Variants in ELAPOR2 observed in about 807,000 individuals in gnomAD.
ELAPOR2 encodes the protein endosome/lysosome-associated apoptosis and autophagy regulator family member 2.
Under a neutral mutation model 120.7 loss-of-function variants are expected in ELAPOR2, and 89 were observed. The observed-to-expected ratio is 0.74, with a 90% CI of 0.62 to 0.88. The LOEUF (loss-of-function observed/expected upper bound fraction) is 0.88, where lower values mean the gene tolerates loss of function less well. Among genes scored for constraint, ELAPOR2 ranks in the 40% least tolerant of loss-of-function variants. The pLI, the probability that ELAPOR2 is intolerant of heterozygous loss-of-function variation, is 0.00. For missense variants in ELAPOR2, 1,134 were observed against 1,251.6 expected (o/e 0.91, Z 1.42); for synonymous variants, 444 against 444.9 (o/e 1.00, Z 0.03).
At chr7:86,898,378 T>C (rs545136505) in intron 18 of ELAPOR2, among the ~76,000 whole-genome samples, 1 of 152,016 alleles carries the variant, frequency 6.6e-6, no homozygotes, top group African/African-American at 2.4e-5. Context: ...AGCTAAAGGA[T>C]ATGAGGTTTC....
chr7:86,999,321 T>C (rs545369316), intron 1 of ELAPOR2, among the ~76,000 whole-genome samples: 30 of 152,286 alleles, frequency 2.0e-4, no homozygotes, highest in African/African-American at 7.0e-4. Flanking sequence ...CTATTATGTA[T>C]TTTGCTTTGC....
chr7:86,926,764 A>G lies in ELAPOR2; in HGVS notation c.1242T>C (p.Pro414=). 3 of 1,610,484 alleles carry G rather than the reference A, an allele frequency of 1.9e-6. No homozygotes were observed. Among genetic ancestry groups the G allele is most frequent in the African/African-American group, 1.3e-5 (1 of 74,742 alleles). ...NNGSSSCHPC[P]PGTFSDGTKE... ...TGGTTCCATCTGAAAATGTTCCAGG[A>G]GGACAGGGATGGCAAGAAGATGATC... Residue 414 remains proline, a synonymous_variant, in exon 9 of 22, where the codon CCT becomes CCC. Transcript: ENST00000450689.
intron 16 of ELAPOR2, 23 bp downstream of exon 16, chr7:86,909,789 T>C (rs1481059655): frequency 7.6e-6 from 12 of 1,571,906 alleles, no homozygotes; most frequent in Middle Eastern, 1.7e-4. Flanking sequence ...TATGCATGCA[T>C]ATATGAACCA....
intron 1 of ELAPOR2, among the ~76,000 whole-genome samples, chr7:86,975,121 C>T (rs769327379): frequency 2.0e-5 from 3 of 152,188 alleles, no homozygotes; most frequent in East Asian, 1.9e-4. Flanking sequence ...CAGCACAGTT[C>T]GCTGACTTCA....
At chr7:87,009,355 G>A (rs1245638974) in intron 1 of ELAPOR2, among the ~76,000 whole-genome samples, 1 of 152,152 alleles carries the variant, frequency 6.6e-6, no homozygotes, top group Non-Finnish European at 1.5e-5. Context: ...AACCACAAAG[G>A]TGTTTTACAC....
intron 1 of ELAPOR2, among the ~76,000 whole-genome samples, chr7:86,979,181 T>C (rs1232206547): frequency 6.6e-6 from 1 of 152,142 alleles, no homozygotes; most frequent in African/African-American, 2.4e-5. Flanking sequence ...AGTTAATGTA[T>C]ACAAAAGATT....
chr7:87,022,153 T>A (rs992337838), intron 1 of ELAPOR2, among the ~76,000 whole-genome samples: 3 of 152,068 alleles, frequency 2.0e-5, no homozygotes, highest in African/African-American at 4.8e-5. Flanking sequence ...TATGTATACA[T>A]GTGCCATGTT....
intron 10 of ELAPOR2, among the ~76,000 whole-genome samples, chr7:86,923,480 T>A (rs1469597254): frequency 1.3e-5 from 2 of 152,042 alleles, no homozygotes; most frequent in African/African-American, 4.8e-5. Context: ...GTTACATAGC[T>A]ATATCATAAT....
chr7:86,989,032 A>G (rs1485471020), intron 1 of ELAPOR2, among the ~76,000 whole-genome samples: 1 of 152,260 alleles, frequency 6.6e-6, no homozygotes, highest in Non-Finnish European at 1.5e-5. Flanking sequence ...TTATAAAACC[A>G]TAAGTAACTA....
chr7:86,997,818 T>A (rs1465400071), intron 1 of ELAPOR2, among the ~76,000 whole-genome samples: 1 of 152,198 alleles, frequency 6.6e-6, no homozygotes, highest in Non-Finnish European at 1.5e-5. Flanking sequence ...TTCTAGTCAG[T>A]TGTATCACAA....
At chr7:86,984,838 A>T (rs1792654591) in intron 1 of ELAPOR2, among the ~76,000 whole-genome samples, 1 of 152,226 alleles carries the variant, frequency 6.6e-6, no homozygotes, top group Non-Finnish European at 1.5e-5. Flanking sequence ...CTAAGATCAG[A>T]GCATAACTGA....
chr7:87,013,851 C>T (rs1191217106), intron 1 of ELAPOR2, among the ~76,000 whole-genome samples: 1 of 152,076 alleles, frequency 6.6e-6, no homozygotes, highest in Non-Finnish European at 1.5e-5. Context: ...ACCACAAAAT[C>T]AATACTCAGT....
intron 1 of ELAPOR2, among the ~76,000 whole-genome samples, chr7:87,046,469 A>G (rs1477606592): frequency 1.3e-5 from 2 of 152,204 alleles, no homozygotes; most frequent in Admixed American, 6.5e-5. Flanking sequence ...ATGAAACCAC[A>G]AAAGACCCCG....
At chr7:87,033,115 T>C (rs965621167) in intron 1 of ELAPOR2, among the ~76,000 whole-genome samples, 1 of 152,150 alleles carries the variant, frequency 6.6e-6, no homozygotes, top group African/African-American at 2.4e-5. Flanking sequence ...ATCAGTTCTG[T>C]GTAGGCAGAG....
chr7:87,043,165 C>A (rs1345003494), intron 1 of ELAPOR2, among the ~76,000 whole-genome samples: 1 of 151,444 alleles, frequency 6.6e-6, no homozygotes, highest in African/African-American at 2.4e-5. Flanking sequence ...GATTCACAGC[C>A]GAATTCTACC....
At chr7:86,974,294 A>C (rs2116521671) in intron 1 of ELAPOR2, among the ~76,000 whole-genome samples, 1 of 152,202 alleles carries the variant, frequency 6.6e-6, no homozygotes, top group Non-Finnish European at 1.5e-5. Flanking sequence ...ACTACATCAA[A>C]ATTTCCAAAT....
At chr7:86,984,586 G>C (rs573002194) in intron 1 of ELAPOR2, among the ~76,000 whole-genome samples, 32 of 152,244 alleles carry the variant, frequency 2.1e-4, no homozygotes, top group Non-Finnish European at 3.5e-4. Flanking sequence ...TGAATGACTA[G>C]TGGGTAAATA....
chr7:87,002,115 A>G (rs1793336579), intron 1 of ELAPOR2, among the ~76,000 whole-genome samples: 1 of 152,152 alleles, frequency 6.6e-6, no homozygotes, highest in Non-Finnish European at 1.5e-5. Flanking sequence ...TGGGCAGCAA[A>G]CTTTAACTTG....
At chr7:87,022,211 T>C (rs933131382) in intron 1 of ELAPOR2, among the ~76,000 whole-genome samples, 1 of 149,366 alleles carries the variant, frequency 6.7e-6, no homozygotes, top group South Asian at 2.2e-4. Flanking sequence ...TTATATCTCC[T>C]AATGCTATCC....
Sources: allele counts gnomAD v4.1 joint callset (sites outside exome capture counted in the v4.1 genomes callset), GRCh38; gene constraint gnomAD v4.1.1; transcripts MANE v1.5; gene names NCBI Gene and HGNC (gene_info 2026-07-23, HGNC 2026-07-21).